The following SLC2A5 variants were observed in gnomAD, a reference collection of about 807,000 sequenced individuals.
SLC2A5 encodes the protein solute carrier family 2, facilitated glucose transporter member 5.
Under a neutral mutation model 50.3 loss-of-function variants are expected in SLC2A5, and 56 were observed. That is an observed-to-expected ratio of 1.11 (90% CI 0.90 to 1.39). The LOEUF (loss-of-function observed/expected upper bound fraction) is 1.39, where lower values mean the gene tolerates loss of function less well. SLC2A5 is among the 40% of genes most tolerant of loss of function. The pLI, the probability that SLC2A5 is intolerant of heterozygous loss-of-function variation, is 0.00. For synonymous variants in SLC2A5, 269 were observed against 281.9 expected (o/e 0.95, Z 0.46); for missense variants, 566 against 650.1 (o/e 0.87, Z 1.41).
rs13306766 is a variant in SLC2A5 at position 9,037,597 on chromosome 1, A to T, written c.1495T>A (p.Ser499Thr). 427 of 1,613,822 alleles carry T rather than the reference A, an allele frequency of 2.6e-4. 3 individuals carry two copies. In the East Asian group the frequency reaches 8.5e-3, roughly 32 times the overall value. Residue 499 changes from serine to threonine, a missense_variant, in exon 12 of 12, where the codon TCG becomes ACG. By Grantham distance (58) the Ser-to-Thr change is moderately conservative (BLOSUM62 1). Coordinates refer to ENST00000377424, the MANE Select transcript of SLC2A5 (RefSeq NM_003039.3). ...EELKELPPVT[S>T]EQ Reference sequence around the variant, plus strand: ...CTTCCTCTCCAGAGTCACTGTTCCGAAGTGACAGGTGGAAGCTCTTTCAGT... The same window carrying T: ...CTTCCTCTCCAGAGTCACTGTTCCGTAGTGACAGGTGGAAGCTCTTTCAGT...
chr1:9,064,348 C>G (rs977842544), intron 1 of SLC2A5, among the ~76,000 whole-genome samples: 2 of 151,930 alleles, frequency 1.3e-5, no homozygotes, highest in African/African-American at 4.8e-5. Flanking sequence ...GGGTCTCTGG[C>G]CAGCTTGTTA....
rs368156368 is a variant in SLC2A5, at chr1:9,041,791, C to T, written c.565G>A (p.Val189Ile). The T allele has an allele frequency of 5.0e-6, 8 of 1,613,898 alleles. No homozygotes were observed. Among genetic ancestry groups the T allele is most frequent in the African/African-American group, 4.0e-5 (3 of 74,896 alleles). The change falls in exon 5 of 12, where the codon GTA (valine) becomes ATA (isoleucine). Residue 189 changes from valine to isoleucine, a missense_variant. Coordinates refer to ENST00000377424, the MANE Select transcript of SLC2A5 (RefSeq NM_003039.3). Reference sequence around the variant, plus strand: ...CGAGATGTCCTGAACTCACCATCTACGTTTGCAAGGAGATTCCGAAGACCA... The same window carrying T: ...CGAGATGTCCTGAACTCACCATCTATGTTTGCAAGGAGATTCCGAAGACCA... ...IFGLRNLLAN[V>I]DGWPILLGLT...
chr1:9,050,361 G>A (rs1285867100), intron 3 of SLC2A5, among the ~76,000 whole-genome samples: 2 of 152,056 alleles, frequency 1.3e-5, no homozygotes, highest in Non-Finnish European at 2.9e-5. Flanking sequence ...GAGAGGCTGA[G>A]GCGGGAGTAT....
chr1:9,090,253 A>G (rs1642449220), upstream of SLC2A5, among the ~76,000 whole-genome samples: 1 of 152,194 alleles, frequency 6.6e-6, no homozygotes, highest in Non-Finnish European at 1.5e-5. Context: ...AACATCAAAC[A>G]GACTTAAATC....
chr1:9,066,104 C>A (rs754802519), intron 1 of SLC2A5, among the ~76,000 whole-genome samples: 1 of 152,150 alleles, frequency 6.6e-6, no homozygotes, highest in Non-Finnish European at 1.5e-5. Flanking sequence ...CCGGAGAGCA[C>A]AGAGGGGTGT....
chr1:9,084,146 A>T lies in SLC2A5; in HGVS notation c.-59+868T>A, dbSNP rs187707463. Among the ~76,000 whole-genome samples the T allele has an allele frequency of 4.5e-3, 689 of 152,282 alleles. 8 individuals carry two copies. Among genetic ancestry groups the T allele is most frequent in the Admixed American group, 0.031 (472 of 15,298 alleles). ...GCGACAGCGAGACTCCGTCTCAAAA[A>T]AAAAAAAATAATAATAATACTAAAC... On this transcript the variant is annotated intron_variant, in intron 2 of 5. Transcript: ENST00000464985.
At chr1:9,038,088 A>T in intron 10 of SLC2A5, 64 bp from the exon 11 acceptor site, 2 of 1,577,866 alleles carry the variant, frequency 1.3e-6, no homozygotes, top group Non-Finnish European at 1.7e-6. Flanking sequence ...AGGCCTGGCC[A>T]TGCAGACCCA....
intron 3 of SLC2A5, among the ~76,000 whole-genome samples, chr1:9,055,479 T>G (rs1557672046): frequency 1.3e-5 from 2 of 151,870 alleles, no homozygotes; most frequent in Non-Finnish European, 2.9e-5. Context: ...ATCACACCAT[T>G]GCACTCCAGC....
chr1:9,068,211 CGAGA>C (rs992597309), intron 1 of SLC2A5, among the ~76,000 whole-genome samples: 1 of 101,252 alleles, frequency 9.9e-6, no homozygotes, highest in Non-Finnish European at 2.0e-5. Flanking sequence ...AAAAAAAAAG[CGAGA>C]GAGAGAGAAA....
intron 1 of SLC2A5, among the ~76,000 whole-genome samples, chr1:9,059,092 A>G (rs924700491): frequency 1.3e-5 from 2 of 151,532 alleles, no homozygotes; most frequent in Non-Finnish European, 2.9e-5. Context: ...CTTGCCATCA[A>G]AGGACCTTCT....
chr1:9,069,641 A>G, upstream of SLC2A5: 2 of 1,192,178 alleles, frequency 1.7e-6, no homozygotes, highest in Admixed American at 1.7e-5. Context: ...GCCATGCCAA[A>G]TAACAGCCAA....
intron 1 of SLC2A5, 66 bp from the exon 2 acceptor site, chr1:9,058,316 G>T: frequency 1.9e-6 from 2 of 1,078,528 alleles, no homozygotes; most frequent in South Asian, 1.3e-5. Context: ...GCTTTACTTC[G>T]GTTTCGTAGA....
At chr1:9,052,980 A>G (rs1641615949) in intron 3 of SLC2A5, among the ~76,000 whole-genome samples, 2 of 138,080 alleles carry the variant, frequency 1.4e-5, no homozygotes, top group Middle Eastern at 3.6e-3. Flanking sequence ...AAAAATATAT[A>G]TATATATATG....
At chr1:9,070,867 G>A (rs890306465), upstream of SLC2A5, among the ~76,000 whole-genome samples, 6 of 152,076 alleles carry the variant, frequency 3.9e-5, no homozygotes, top group African/African-American at 1.4e-4. Context: ...GGGGTCGGGG[G>A]GGTCCCTATT....
chr1:9,075,699 C>T (rs551787507), intron 2 of SLC2A5, among the ~76,000 whole-genome samples: 29 of 151,928 alleles, frequency 1.9e-4, no homozygotes, highest in Admixed American at 7.2e-4. Context: ...TCACTCTTGT[C>T]CCCCAGGCTG....
chr1:9,053,497 A>ATATATATTT (rs1557670838), intron 3 of SLC2A5, among the ~76,000 whole-genome samples: 5 of 31,264 alleles, frequency 1.6e-4, no homozygotes, highest in African/African-American at 3.8e-4. Flanking sequence ...ATTTATATAT[A>ATATATATTT]ATATATATTA....
rs747304513 is a variant in SLC2A5, at chr1:9,041,685, G to T, written c.571+100C>A. 4.4e-6 allele frequency: 7 copies of T among 1,600,546 alleles called. No homozygotes were observed. In the Admixed American group the frequency reaches 1.0e-4, roughly 23 times the overall value. On this transcript the variant is annotated intron_variant, in intron 5 of 11. Transcript: ENST00000377424. ...CCAGCCTGTTAGAAGAGACCAGTCT[G>T]CAGAAAGTCCTGTCCTGTGGTGGTG... is the stretch of plus-strand genomic sequence containing the variant.
chr1:9,078,556 A>G (rs1642318077), intron 2 of SLC2A5, among the ~76,000 whole-genome samples: 1 of 152,216 alleles, frequency 6.6e-6, no homozygotes, highest in African/African-American at 2.4e-5. Context: ...GAATTTATCC[A>G]TGTAACCAAG....
intron 3 of SLC2A5, among the ~76,000 whole-genome samples, chr1:9,053,540 A>G (rs1395707275): frequency 2.0e-5 from 2 of 98,996 alleles, no homozygotes; most frequent in African/African-American, 7.1e-5. Flanking sequence ...ATATTAATAT[A>G]TATTATATAT....
Sources: allele counts gnomAD v4.1 joint callset (sites outside exome capture counted in the v4.1 genomes callset), GRCh38; gene constraint gnomAD v4.1.1; transcripts MANE v1.5; gene names NCBI Gene and HGNC (gene_info 2026-07-23, HGNC 2026-07-21).